The following AFAP1 variants were observed in gnomAD, a reference collection of about 807,000 sequenced individuals.
The protein encoded by AFAP1 is actin filament associated protein 1.
AFAP1 carries 75 observed loss-of-function variants against 93.9 expected under a neutral mutation model. The ratio of observed to expected loss-of-function variants is 0.80; its 90% CI spans 0.66 to 0.97. The LOEUF is 0.97. Among genes scored for constraint, AFAP1 ranks in the 50% least tolerant of loss-of-function variants. The pLI is 0.00. For missense variants in AFAP1, 1,201 were observed against 1,050.8 expected (o/e 1.14, Z -1.98); for synonymous variants, 517 against 430.7 (o/e 1.20, Z -2.48).
intron 1 of AFAP1, among the ~76,000 whole-genome samples, chr4:7,897,970 C>A (rs1237596218): frequency 6.6e-6 from 1 of 152,208 alleles, no homozygotes; most frequent in Non-Finnish European, 1.5e-5. Context: ...TCTAGTTACT[C>A]AGGCCAAAAT....
At chr4:7,914,901 C>T (rs1338017483) in intron 1 of AFAP1, among the ~76,000 whole-genome samples, 1 of 152,096 alleles carries the variant, frequency 6.6e-6, no homozygotes, top group Non-Finnish European at 1.5e-5. Context: ...GCGCCCACCA[C>T]CACACCCAGC....
At chr4:7,910,538 A>G (rs1035851879) in intron 1 of AFAP1, among the ~76,000 whole-genome samples, 1 of 152,254 alleles carries the variant, frequency 6.6e-6, no homozygotes, top group Admixed American at 6.5e-5. Context: ...CAGAAAATTG[A>G]GCAATCAGCC....
intron 4 of AFAP1, among the ~76,000 whole-genome samples, chr4:7,851,222 C>G (rs1714399956): frequency 6.6e-6 from 1 of 152,144 alleles, no homozygotes; most frequent in Non-Finnish European, 1.5e-5. Flanking sequence ...CATGAGACAC[C>G]AAGAGAAGAG....
intron 1 of AFAP1, among the ~76,000 whole-genome samples, chr4:7,890,068 T>C (rs1338856484): frequency 7.4e-6 from 1 of 134,274 alleles, no homozygotes; most frequent in African/African-American, 2.8e-5. Context: ...AACAAAGAAC[T>C]AGAACACAAA....
chr4:7,800,458 T>A lies in AFAP1; in HGVS notation c.1250A>T (p.Glu417Val). 6.2e-7 allele frequency: 1 copy of A among 1,614,106 alleles called. No individual in the cohort carries two copies. The highest frequency in any genetic ancestry group is 8.5e-7 in the Non-Finnish European group (1 of 1,180,006). ...ATATCCTACCTCCAATACTGCAACC[T>A]CCTGGCCGTTGCGCAGCAGCCGGAA... ...LTFRLLRNGQEVAVLEASSSE... is the reference protein window; with the variant it reads ...LTFRLLRNGQVVAVLEASSSE... The change falls in exon 10 of 18, where the codon GAG becomes GTG. Residue 417 changes from glutamate to valine, a missense_variant. By Grantham distance (121) the Glu-to-Val change is moderately radical (BLOSUM62 -2). Coordinates refer to ENST00000420658, the MANE Select transcript of AFAP1 (RefSeq NM_001134647.2).
intron 1 of AFAP1, among the ~76,000 whole-genome samples, chr4:7,896,860 C>T (rs544149614): frequency 6.6e-6 from 1 of 151,606 alleles, no homozygotes; most frequent in African/African-American, 2.4e-5. Context: ...CCATTCCCCA[C>T]CCCAGCCCCC....
At chr4:7,769,566 G>A (rs1188867477) in intron 16 of AFAP1, among the ~76,000 whole-genome samples, 2 of 151,882 alleles carry the variant, frequency 1.3e-5, no homozygotes, top group Non-Finnish European at 2.9e-5. Flanking sequence ...CAGGAAGGCT[G>A]AAAATAGAAC....
intron 1 of AFAP1, among the ~76,000 whole-genome samples, chr4:7,912,077 G>GA (rs1029497572): frequency 1.3e-5 from 2 of 152,096 alleles, no homozygotes; most frequent in Admixed American, 1.3e-4. Flanking sequence ...ACCCAGGATG[G>GA]AAAAAAGGGT....
chr4:7,844,222 A>G (rs1369836258), intron 4 of AFAP1, among the ~76,000 whole-genome samples: 1 of 152,040 alleles, frequency 6.6e-6, no homozygotes, highest in East Asian at 1.9e-4. Flanking sequence ...GGAGGTTACT[A>G]AAGTTAAATG....
At chr4:7,846,230 T>C (rs1713682833) in intron 4 of AFAP1, among the ~76,000 whole-genome samples, 1 of 152,082 alleles carries the variant, frequency 6.6e-6, no homozygotes, top group Non-Finnish European at 1.5e-5. Context: ...TTGACTTGAA[T>C]GGTGGTTACA....
chr4:7,832,668 G>GT (rs1300512146), intron 6 of AFAP1, among the ~76,000 whole-genome samples: 2 of 53,438 alleles, frequency 3.7e-5, no homozygotes, highest in African/African-American at 1.9e-4. Flanking sequence ...AAATTCATAT[G>GT]TTAAAAAAAA....
chr4:7,798,895 C>T, intron 10 of AFAP1: 1 of 987,978 alleles, frequency 1.0e-6, no homozygotes, highest in Non-Finnish European at 1.2e-6. Context: ...ATTCCTGTAT[C>T]TTACCCGTGC....
intron 4 of AFAP1, among the ~76,000 whole-genome samples, chr4:7,845,883 TG>T (rs34608904): frequency 0.49 from 73,963 of 151,436 alleles, 19,353 homozygotes; most frequent in East Asian, 0.89. Flanking sequence ...GGCACAGGGG[TG>T]GGGGGGGCAA....
intron 1 of AFAP1, among the ~76,000 whole-genome samples, chr4:7,896,241 C>G (rs1474681219): frequency 1.3e-5 from 2 of 152,068 alleles, no homozygotes; most frequent in African/African-American, 4.8e-5. Context: ...TATAACCCAC[C>G]ATTAAAAGAG....
At chr4:7,899,910 G>A (rs906999054) in intron 1 of AFAP1, among the ~76,000 whole-genome samples, 8 of 131,964 alleles carry the variant, frequency 6.1e-5, no homozygotes, top group African/African-American at 2.1e-4. Context: ...GAATCCATCA[G>A]GTCTGAATGA....
At chr4:7,900,367 C>T (rs550371547) in intron 1 of AFAP1, among the ~76,000 whole-genome samples, 10 of 6,222 alleles carry the variant, frequency 1.6e-3, no homozygotes, top group East Asian at 0.014. Context: ...CATTTAGCTG[C>T]GCATTTAGCA....
chr4:7,763,484 C>G lies in AFAP1; in HGVS notation c.*281G>C. The stretch of plus-strand genomic sequence containing the variant: ...ATGGCCTATCTGGTTAGAAAGATGT[C>G]ACTTCGCCTGATAGCATCCTTTCAA... On this transcript the variant is annotated 3_prime_UTR_variant, in exon 18 of 18. Transcript: ENST00000420658. 2.1e-6 allele frequency: 1 copy of G among 470,540 alleles called. No homozygotes were observed. Among genetic ancestry groups the G allele is most frequent in the South Asian group, 3.1e-5 (1 of 32,442 alleles). 29.1% of individuals were successfully genotyped at this position (470,540 alleles called of 1,614,324 possible).
At chr4:7,827,260 C>A (rs1161577836) in intron 6 of AFAP1, among the ~76,000 whole-genome samples, 1 of 151,982 alleles carries the variant, frequency 6.6e-6, no homozygotes, top group Non-Finnish European at 1.5e-5. Flanking sequence ...CCCAACATAC[C>A]TACAGATGCA....
At chr4:7,774,936 T>C (rs764976824) in intron 14 of AFAP1, 33 bp from the exon 15 acceptor site, 2 of 1,598,060 alleles carry the variant, frequency 1.3e-6, no homozygotes, top group Admixed American at 1.8e-5. Flanking sequence ...AATTAAAAAT[T>C]AGGTTTACTA....
Sources: gnomAD v4.1 joint callset for allele counts (sites outside exome capture counted in the v4.1 genomes callset) on GRCh38, gnomAD v4.1.1 for gene constraint, MANE v1.5 for transcripts, NCBI Gene and HGNC (gene_info 2026-07-23, HGNC 2026-07-21) for gene names.